ERBIN: variants seen among roughly 807,000 people sequenced by gnomAD.
The protein encoded by ERBIN is densin-180-like protein.
In ERBIN, 60 loss-of-function variants were observed where a neutral mutation model predicts 158.4. The ratio of observed to expected loss-of-function variants is 0.38; its 90% CI spans 0.31 to 0.47. The LOEUF is 0.47. Ranked by LOEUF, ERBIN falls within the 20% of genes least tolerant of loss-of-function variation. ERBIN has a pLI of 0.99. For missense variants in ERBIN, 1,610 were observed against 1,648.0 expected, an observed-to-expected ratio of 0.98 and a Z score of 0.40; for synonymous variants, 594 against 557.2, an observed-to-expected ratio of 1.07 and a Z score of -0.93.
chr5:66,053,744 A>T lies in ERBIN; in HGVS notation c.2426A>T (p.Asn809Ile), dbSNP rs773342288. Residue 809 changes from asparagine to isoleucine, a missense_variant, in exon 21 of 26, where the codon AAT becomes ATT. Asn to Ile is a moderately radical substitution (Grantham distance 149). Coordinates refer to ENST00000284037, the MANE Select transcript of ERBIN (RefSeq NM_001253697.2). ...AAAGAGGAAACTGAGCACTTGGAAA[A>T]TGGAAACAAGTATCCTAATTTGGAA... ...NSKEETEHLE[N>I]GNKYPNLESV... 6.2e-7 allele frequency: 1 copy of T among 1,613,692 alleles called. No homozygotes were observed. Among genetic ancestry groups the T allele is most frequent in the Non-Finnish European group, 8.5e-7 (1 of 1,180,002 alleles).
intron 1 of ERBIN, among the ~76,000 whole-genome samples, chr5:65,932,019 C>T (rs1165388432): frequency 2.6e-5 from 4 of 151,776 alleles, no homozygotes; most frequent in Admixed American, 1.3e-4. Context: ...GGTTTCTCCA[C>T]GTTGGTCAGG....
intron 1 of ERBIN, among the ~76,000 whole-genome samples, chr5:65,972,440 CT>C (rs1184206348): frequency 6.6e-6 from 1 of 151,268 alleles, no homozygotes; most frequent in African/African-American, 2.5e-5. Context: ...GCATAAAGTA[CT>C]TTAGAGAGAT....
At chr5:65,992,218 C>T (rs143398664) in intron 2 of ERBIN, among the ~76,000 whole-genome samples, 1,693 of 152,094 alleles carry the variant, frequency 0.011, 28 homozygotes, top group African/African-American at 0.038. Context: ...GGCGCGATCT[C>T]GGCTCACTGC....
At chr5:65,957,224 A>G (rs1467824912) in intron 1 of ERBIN, among the ~76,000 whole-genome samples, 1 of 143,060 alleles carries the variant, frequency 7.0e-6, no homozygotes, top group East Asian at 1.9e-4. Flanking sequence ...ATTTTATTTT[A>G]TTTTATTTTT....
At chr5:66,071,655 G>A (rs1409422289) in intron 21 of ERBIN, among the ~76,000 whole-genome samples, 1 of 150,220 alleles carries the variant, frequency 6.7e-6, no homozygotes, top group South Asian at 2.1e-4. Context: ...TATTGGTTCT[G>A]CTTGTCATTA....
intron 1 of ERBIN, among the ~76,000 whole-genome samples, chr5:65,972,918 CCT>C (rs1441421705): frequency 6.6e-6 from 1 of 151,300 alleles, no homozygotes; most frequent in Non-Finnish European, 1.5e-5. Context: ...TTCAACCTGA[CCT>C]CTCATTGTTT....
At chr5:66,014,823 A>C (rs1488004623) in intron 7 of ERBIN, 98 bp downstream of exon 7, 1 of 566,580 alleles carries the variant, frequency 1.8e-6, no homozygotes, top group African/African-American at 2.0e-5. Context: ...TGTGGTGCAA[A>C]TTATTTGTAA....
chr5:65,959,564 C>A (rs188711897), intron 1 of ERBIN, among the ~76,000 whole-genome samples: 2 of 152,186 alleles, frequency 1.3e-5, no homozygotes, highest in Non-Finnish European at 2.9e-5. Context: ...TGTAAGTATT[C>A]TGAGGATGGA....
intron 1 of ERBIN, among the ~76,000 whole-genome samples, chr5:65,933,705 C>T (rs933416895): frequency 4.7e-4 from 72 of 152,242 alleles, no homozygotes; most frequent in African/African-American, 1.7e-3. Context: ...CGACCCCAGC[C>T]TACTTTGTAT....
chr5:66,035,486 C>A (rs1050633248), intron 14 of ERBIN, among the ~76,000 whole-genome samples: 2 of 152,248 alleles, frequency 1.3e-5, no homozygotes, highest in Admixed American at 6.5e-5. Context: ...TCTTAAACAT[C>A]CTAGTGTTTG....
chr5:65,987,707 T>G (rs1387228447), intron 1 of ERBIN, among the ~76,000 whole-genome samples: 1 of 152,056 alleles, frequency 6.6e-6, no homozygotes, highest in Non-Finnish European at 1.5e-5. Flanking sequence ...TAGCCAGGTG[T>G]TGTGGTGCAC....
At chr5:66,020,542 C>G (rs1297147217) in intron 7 of ERBIN, among the ~76,000 whole-genome samples, 1 of 151,808 alleles carries the variant, frequency 6.6e-6, no homozygotes, top group East Asian at 1.9e-4. Context: ...GGTTACATCT[C>G]AATGTATTAA....
intron 22 of ERBIN, among the ~76,000 whole-genome samples, chr5:66,074,262 A>C (rs1298287878): frequency 6.6e-6 from 1 of 151,996 alleles, no homozygotes; most frequent in Admixed American, 6.5e-5. Flanking sequence ...GGTGATTTTA[A>C]GTCAGGTTTA....
Position 66,046,462 on chromosome 5 carries a change from G to A in ERBIN, c.1712G>A (p.Gly571Glu), listed in dbSNP as rs539291781. Residue 571 changes from glycine to glutamate, a missense_variant, in exon 18 of 26, where the codon GGG becomes GAG. Physicochemically the swap from Gly to Glu is moderately conservative, Grantham distance 98 (BLOSUM62 -2). Coordinates refer to ENST00000284037, the MANE Select transcript of ERBIN (RefSeq NM_001253697.2). Reference protein sequence around the residue: ...ISEPEAEISPGSLPVTANMKA... With the variant: ...ISEPEAEISPESLPVTANMKA... ...GAACCTGAAGCTGAGATTAGTCCTG[G>A]GAGTTTACCAGTGACTGCAAATATG... 3 of 1,611,774 alleles carry A rather than the reference G, an allele frequency of 1.9e-6. No individual in the cohort carries two copies. The highest frequency in any genetic ancestry group is 2.2e-5 in the East Asian group (1 of 44,820).
intron 13 of ERBIN, 107 bp from the exon 14 acceptor site, chr5:66,028,167 A>G (rs1401157490): frequency 1.6e-6 from 1 of 641,254 alleles, no homozygotes; most frequent in East Asian, 3.0e-5. Flanking sequence ...TCCTATTTTC[A>G]TGTGCAACTA....
chr5:66,071,421 T>C (rs1761516596), intron 21 of ERBIN, among the ~76,000 whole-genome samples: 1 of 152,130 alleles, frequency 6.6e-6, no homozygotes, highest in Admixed American at 6.6e-5. Flanking sequence ...TTGAGTCTTA[T>C]TTTTCCCCTA....
Position 66,046,302 on chromosome 5 carries a change from A to G in ERBIN, c.1603-51A>G, listed in dbSNP as rs1029819435. ...ACAAATTTTTATCTGAACTTTTAAA[A>G]TAGATATAAAACTTAAAGAATATGA... On this transcript the variant is annotated intron_variant, in intron 17 of 25. Transcript: ENST00000284037. 4 of 1,091,180 alleles carry G rather than the reference A, an allele frequency of 3.7e-6. No individual in the cohort carries two copies. In the African/African-American group the frequency reaches 6.3e-5, roughly 17 times the overall value. 67.6% of individuals were successfully genotyped at this position (1,091,180 alleles called of 1,614,324 possible).
At chr5:66,029,126 A>T (rs1480952964) in intron 14 of ERBIN, among the ~76,000 whole-genome samples, 1 of 152,192 alleles carries the variant, frequency 6.6e-6, no homozygotes, top group Non-Finnish European at 1.5e-5. Context: ...GAGTGCAGAC[A>T]TCTCTTCAAC....
chr5:65,945,179 CA>C (rs908546272), intron 1 of ERBIN, among the ~76,000 whole-genome samples: 2 of 152,170 alleles, frequency 1.3e-5, no homozygotes, highest in African/African-American at 4.8e-5. Flanking sequence ...GAATGTCTTA[CA>C]GATTTAAAGA....
Sources: gnomAD v4.1 joint callset for allele counts (sites outside exome capture counted in the v4.1 genomes callset) on GRCh38, gnomAD v4.1.1 for gene constraint, MANE v1.5 for transcripts, NCBI Gene and HGNC (gene_info 2026-07-23, HGNC 2026-07-21) for gene names.